The following TMEM272 variants were observed in gnomAD, a reference collection of about 807,000 sequenced individuals.
The protein encoded by TMEM272 is long intergenic non-protein coding RNA 282.
TMEM272 carries 8 observed loss-of-function variants against 3.7 expected under a neutral mutation model. The ratio of observed to expected loss-of-function variants is 2.17; its 90% confidence interval spans 1.27 to 3.91. TMEM272 has a LOEUF of 3.91. TMEM272 is among the 30% of genes most tolerant of loss of function. The pLI is 0.00. For missense variants in TMEM272, 166 were observed against 91.5 expected, an observed-to-expected ratio of 1.81 and a Z score of -3.32; for synonymous variants, 63 against 39.8, an observed-to-expected ratio of 1.58 and a Z score of -2.20.
At chr13:51,837,165 G>A (rs530016862) in intron 2 of TMEM272, among the ~76,000 whole-genome samples, 1 of 152,346 alleles carries the variant, frequency 6.6e-6, no homozygotes, top group Admixed American at 6.5e-5. Context: ...TTGACCTGCA[G>A]ATTTACAGTG....
At chr13:51,888,208 C>T in the TMEM272 span, among the ~76,000 whole-genome samples, 1 of 148,264 alleles carries the variant, frequency 6.7e-6, no homozygotes, top group African/African-American at 2.4e-5. Context: ...ACCACACCTA[C>T]CTAATTTTTG....
In TMEM272 at chr13:51,816,932, G is replaced by A; in HGVS notation, c.383C>T (p.Ser128Phe). 1 of 703,072 alleles carries A rather than the reference G, an allele frequency of 1.4e-6. No homozygotes were observed. The highest frequency in any genetic ancestry group is 1.5e-5 in the South Asian group (1 of 67,608). 43.6% of individuals were successfully genotyped at this position (703,072 alleles called of 1,614,324 possible). The stretch of plus-strand genomic sequence containing the variant: ...GGGAAGAAAATCAGGCAGGTACACA[G>A]AAAAGACCCAGTAGTTTCCCAGGAT... Reference protein sequence around the residue: ...WFILGNYWVFSVYLPDFLPPF... With the variant: ...WFILGNYWVFFVYLPDFLPPF... The change falls in exon 5 of 5, where the codon TCT becomes TTT. Residue 128 changes from serine to phenylalanine, a missense_variant. Physicochemically the swap from Ser to Phe is radical, Grantham distance 155. Coordinates refer to ENST00000629372, the MANE Select transcript of TMEM272 (RefSeq NM_001351003.2).
chr13:51,853,414 A>T, the TMEM272 span, among the ~76,000 whole-genome samples: 1 of 151,998 alleles, frequency 6.6e-6, no homozygotes, highest in African/African-American at 2.4e-5. Flanking sequence ...CATCTCTCAA[A>T]AAAAAAAAGA....
the TMEM272 span, among the ~76,000 whole-genome samples, chr13:51,930,162 A>G: frequency 6.6e-6 from 1 of 150,946 alleles, no homozygotes; most frequent in Non-Finnish European, 1.5e-5. Flanking sequence ...TATATGCTTA[A>G]TTTTTTGCTA....
At chr13:51,872,800 T>C in the TMEM272 span, among the ~76,000 whole-genome samples, 1 of 152,202 alleles carries the variant, frequency 6.6e-6, no homozygotes, top group Non-Finnish European at 1.5e-5. Context: ...AAGGAAACAT[T>C]AATGTCAAAA....
At chr13:51,909,881 T>G in the TMEM272 span, 2 of 1,596,986 alleles carry the variant, frequency 1.3e-6, no homozygotes, top group East Asian at 4.5e-5. Context: ...CTTTGGAGTC[T>G]TCAAATGTTA....
At chr13:51,927,351 G>A in the TMEM272 span, among the ~76,000 whole-genome samples, 2 of 152,116 alleles carry the variant, frequency 1.3e-5, no homozygotes, top group African/African-American at 4.8e-5. Flanking sequence ...CCACACCACC[G>A]TGCTAGGTTT....
chr13:51,839,091 C>T (rs985654025), intron 1 of TMEM272, among the ~76,000 whole-genome samples: 1 of 151,938 alleles, frequency 6.6e-6, no homozygotes, highest in Non-Finnish European at 1.5e-5. Context: ...TGCTGCACTC[C>T]CCAGGGTCCA....
At chr13:51,864,763 T>C in the TMEM272 span, among the ~76,000 whole-genome samples, 137 of 152,340 alleles carry the variant, frequency 9.0e-4, no homozygotes, top group African/African-American at 3.1e-3. Context: ...TCCATATTAC[T>C]AAATATTGTG....
the TMEM272 span, among the ~76,000 whole-genome samples, chr13:51,879,262 C>T: frequency 1.3e-5 from 2 of 152,178 alleles, no homozygotes; most frequent in African/African-American, 4.8e-5. Flanking sequence ...TACAGCATGC[C>T]AGTTTCTGGT....
chr13:51,853,224 T>C, the TMEM272 span, among the ~76,000 whole-genome samples: 1 of 151,858 alleles, frequency 6.6e-6, no homozygotes, highest in Non-Finnish European at 1.5e-5. Flanking sequence ...CTGGCTAACA[T>C]ATAGTGAAAC....
Position 51,816,676 on chromosome 13 carries a change from T to TGTGTGTGC in TMEM272, c.*74_*75insGCACACAC, listed in dbSNP as rs774560672. 43 of 634,760 alleles carry TGTGTGTGC rather than the reference T, an allele frequency of 6.8e-5. No homozygotes were observed. The Admixed American group carries it at 7.4e-4, about 11-fold the overall frequency. 39.3% of individuals were successfully genotyped at this position (634,760 alleles called of 1,614,324 possible). A position where few individuals can be genotyped will look rare whatever the true frequency, so the allele number is the denominator to read the frequency against. On this transcript the variant is annotated 3_prime_UTR_variant, in exon 5 of 5. Coordinates refer to ENST00000629372, the MANE Select transcript of TMEM272 (RefSeq NM_001351003.2). ...ACCTGTGTGTGTGTGTGTGTGTGTG[T>TGTGTGTGC]GCGTCTGTGTGTCTGTGTGCACGCG...
At chr13:51,912,272 C>T in the TMEM272 span, among the ~76,000 whole-genome samples, 4 of 152,080 alleles carry the variant, frequency 2.6e-5, no homozygotes, top group African/African-American at 4.8e-5. Flanking sequence ...TGAATGGACA[C>T]GAGAGGGAGG....
chr13:51,888,603 TAC>T, the TMEM272 span, among the ~76,000 whole-genome samples: 1 of 151,834 alleles, frequency 6.6e-6, no homozygotes, highest in Non-Finnish European at 1.5e-5. Context: ...AGTAAATTGG[TAC>T]AGTTTTAATT....
At chr13:51,916,645 G>A in the TMEM272 span, among the ~76,000 whole-genome samples, 1 of 152,106 alleles carries the variant, frequency 6.6e-6, no homozygotes, top group Non-Finnish European at 1.5e-5. Context: ...CCCAGGTAGG[G>A]CCTGGTTCCC....
chr13:51,842,768 T>G (rs558791007), intron 1 of TMEM272, among the ~76,000 whole-genome samples: 2 of 152,348 alleles, frequency 1.3e-5, no homozygotes, highest in East Asian at 1.9e-4. Context: ...TCTTCAGAAC[T>G]CTCATTTTCA....
chr13:51,858,472 GA>G, the TMEM272 span, among the ~76,000 whole-genome samples: 1 of 152,290 alleles, frequency 6.6e-6, no homozygotes, highest in African/African-American at 2.4e-5. Flanking sequence ...CATATATTTG[GA>G]AGTTAAGCAA....
intron 4 of TMEM272, among the ~76,000 whole-genome samples, 159 bp from the exon 5 acceptor site, chr13:51,817,272 T>A (rs927610840): frequency 6.6e-6 from 1 of 152,084 alleles, no homozygotes; most frequent in Non-Finnish European, 1.5e-5. Flanking sequence ...GAGTTACAAA[T>A]GCCATCAAGC....
the TMEM272 span, among the ~76,000 whole-genome samples, chr13:51,879,641 C>A: frequency 1.3e-4 from 20 of 152,232 alleles, no homozygotes; most frequent in Non-Finnish European, 2.5e-4. Flanking sequence ...TTTACCTTCT[C>A]ACACACACCC....
Sources: allele counts gnomAD v4.1 joint callset (sites outside exome capture counted in the v4.1 genomes callset), GRCh38; gene constraint gnomAD v4.1.1; transcripts MANE v1.5; gene names NCBI Gene and HGNC (gene_info 2026-07-23, HGNC 2026-07-21).